WNT7B: variants seen among roughly 807,000 people sequenced by gnomAD.
WNT7B encodes the protein protein Wnt-7b.
In WNT7B, 19 loss-of-function variants were observed where a neutral mutation model predicts 38.2. The observed-to-expected ratio is 0.50, with a 90% CI of 0.35 to 0.73. The LOEUF is 0.73. Ranked by LOEUF, WNT7B falls within the 30% of genes least tolerant of loss-of-function variation. WNT7B has a pLI of 0.01. For missense variants in WNT7B, 423 were observed against 507.9 expected (o/e 0.83, Z 1.61); for synonymous variants, 243 against 209.3 (o/e 1.16, Z -1.39).
intron 3 of WNT7B, chr22:45,927,499 T>C (rs1931125056): frequency 6.5e-7 from 1 of 1,548,772 alleles, no homozygotes; most frequent in Admixed American, 2.0e-5. Context: ...AGTGACTTTA[T>C]TTGGAAGTAG....
chr22:45,934,580 G>A (rs1213008656), intron 2 of WNT7B, among the ~76,000 whole-genome samples: 3 of 152,226 alleles, frequency 2.0e-5, no homozygotes, highest in South Asian at 4.1e-4. Context: ...TAGGAAGGCT[G>A]CAGAGCGGGT....
intron 1 of WNT7B, among the ~76,000 whole-genome samples, chr22:45,960,458 T>TGAGCC: frequency 9.4e-6 from 1 of 106,462 alleles, no homozygotes; most frequent in East Asian, 4.3e-4. Flanking sequence ...ACCTTGGTCA[T>TGAGCC]GAGCCACCCC....
intron 2 of WNT7B, among the ~76,000 whole-genome samples, chr22:45,934,190 A>G (rs1601721389): frequency 6.6e-6 from 1 of 152,224 alleles, no homozygotes; most frequent in East Asian, 1.9e-4. Flanking sequence ...ATGAATTCAA[A>G]GACCAGGAAG....
intron 1 of WNT7B, among the ~76,000 whole-genome samples, chr22:45,955,309 C>T (rs753255512): frequency 3.3e-5 from 5 of 152,206 alleles, no homozygotes; most frequent in Non-Finnish European, 5.9e-5. Context: ...GGGATGGGCC[C>T]TCCTTAGAGA....
At chr22:45,929,287 T>A (rs112643652) in intron 3 of WNT7B, among the ~76,000 whole-genome samples, 1 of 152,170 alleles carries the variant, frequency 6.6e-6, no homozygotes, top group South Asian at 2.1e-4. Context: ...TGCCTGTACC[T>A]GGAGACTAGT....
Position 45,931,268 on chromosome 22 carries a change from C to A in WNT7B, c.400G>T (p.Asp134Tyr). ...SQGNLSNCGC[D>Y]REKQGYYNQA... ...TTGTAGTAGCCCTGCTTCTCGCGGT[C>A]GCAGCCGCAGTTGCTCAGGTTCCCT... is the stretch of plus-strand genomic sequence containing the variant. The change falls in exon 3 of 4, where the codon GAC becomes TAC. Residue 134 changes from aspartate (D) to tyrosine (Y), a missense_variant. By Grantham distance (160) the Asp-to-Tyr change is radical. Around this residue, in one of 3 missense-constraint regions of WNT7B, gnomAD observed 132 missense variants for 113.4 expected, o/e 1.16. Coordinates refer to ENST00000339464, the MANE Select transcript of WNT7B (RefSeq NM_058238.3). 6.3e-7 allele frequency: 1 copy of A among 1,598,748 alleles called. No homozygotes were observed. The highest frequency in any genetic ancestry group is 2.2e-5 in the East Asian group (1 of 44,872).
At chr22:45,932,871 G>A (rs147105436) in intron 2 of WNT7B, among the ~76,000 whole-genome samples, 26 of 150,776 alleles carry the variant, frequency 1.7e-4, no homozygotes, top group Admixed American at 7.2e-4. Context: ...CAGCACCCGC[G>A]AGCACCTGCA....
intron 2 of WNT7B, among the ~76,000 whole-genome samples, chr22:45,939,427 T>C (rs1425583027): frequency 6.6e-6 from 1 of 152,236 alleles, no homozygotes; most frequent in African/African-American, 2.4e-5. Context: ...AAATGTGTTC[T>C]ATCCATACGG....
At position 45,921,504 on chromosome 22, in the gene WNT7B, A is replaced by G. The variant is rs1424468822; in HGVS notation, c.*1352T>C. 1.3e-5 allele frequency: 2 copies of G among 152,232 alleles called. No homozygotes were observed. The highest frequency in any genetic ancestry group is 6.5e-5 in the Admixed American group (1 of 15,284). The allele number at this position is 152,232 out of a possible 1,614,324, so 9.4% of individuals were successfully genotyped here. On this transcript the variant is annotated 3_prime_UTR_variant, in exon 4 of 4. Coordinates refer to ENST00000339464, the MANE Select transcript of WNT7B (RefSeq NM_058238.3). ...AGGAGAAAGGTGGAAGCCTCCAGTC[A>G]CAGCTGCAGGGTCTCTGGTAGGTCC...
intron 3 of WNT7B, among the ~76,000 whole-genome samples, chr22:45,930,641 TCCTC>T (rs1296200979): frequency 6.6e-6 from 1 of 152,148 alleles, no homozygotes; most frequent in Non-Finnish European, 1.5e-5. Context: ...GCTTCCACCT[TCCTC>T]AGGCTGCTCC....
Position 45,949,956 on chromosome 22 carries a change from C to T in WNT7B, c.262G>A (p.Gly88Ser), listed in dbSNP as rs772868205. ...TCTTGCCCGAAGACGGTCTTCTCGCCGAGGGCAGAGCAGTTCCAGCGTCCG... is the reference window on the plus strand; with the variant it reads ...TCTTGCCCGAAGACGGTCTTCTCGCTGAGGGCAGAGCAGTTCCAGCGTCCG... ...RFGRWNCSAL[G>S]EKTVFGQELR... Residue 88 changes from glycine (G) to serine (S), a missense_variant, in exon 2 of 4, where the codon GGC becomes AGC. Physicochemically the swap from Gly to Ser is moderately conservative, Grantham distance 56. Around this residue, in one of 3 missense-constraint regions of WNT7B, gnomAD observed 133 missense variants for 179.8 expected, o/e 0.74. Coordinates refer to ENST00000339464, the MANE Select transcript of WNT7B (RefSeq NM_058238.3). 6.8e-6 allele frequency: 11 copies of T among 1,612,090 alleles called. No homozygotes were observed. The highest frequency in any genetic ancestry group is 3.3e-5 in the South Asian group (3 of 91,070).
At chr22:45,972,267 C>G (rs1334705318) in intron 1 of WNT7B, 3 of 615,130 alleles carry the variant, frequency 4.9e-6, no homozygotes, top group African/African-American at 3.9e-5. Flanking sequence ...CGGGGCTGAA[C>G]AGGCTCCGCG....
In WNT7B at chr22:45,955,691, G is replaced by A. The variant is rs572732252; in HGVS notation, c.72-5545C>T. 8.5e-4 allele frequency among the ~76,000 whole-genome samples: 130 copies of A among 152,300 alleles called. 1 individual carries two copies. Among genetic ancestry groups the A allele is most frequent in the Non-Finnish European group, 4.9e-4 (33 of 68,024 alleles). ...CACTGAATGGGGCCTCGGGACAGGC[G>A]AGATGCCAGGTGGGATGGGCAGGTT... On this transcript the variant is annotated intron_variant, in intron 1 of 3. Transcript: ENST00000339464.
intron 2 of WNT7B, among the ~76,000 whole-genome samples, chr22:45,942,783 A>G (rs1227098916): frequency 1.3e-5 from 2 of 152,182 alleles, no homozygotes; most frequent in African/African-American, 4.8e-5. Context: ...GCTTTTATTA[A>G]TATTACCCGT....
chr22:45,948,841 T>TC (rs1390070981), intron 2 of WNT7B, among the ~76,000 whole-genome samples: 1 of 130,680 alleles, frequency 7.7e-6, no homozygotes, highest in Non-Finnish European at 1.5e-5. Context: ...TTTTTTTTTT[T>TC]TTTTTTTTTT....
intron 1 of WNT7B, among the ~76,000 whole-genome samples, chr22:45,970,949 T>C (rs548158954): frequency 6.6e-6 from 1 of 152,250 alleles, no homozygotes; most frequent in South Asian, 2.1e-4. Context: ...GCCCGGACCT[T>C]GTAATTATGT....
intron 1 of WNT7B, among the ~76,000 whole-genome samples, chr22:45,967,254 G>A (rs992739965): frequency 1.3e-5 from 2 of 152,180 alleles, no homozygotes; most frequent in African/African-American, 2.4e-5. Context: ...GCCCTGGGCC[G>A]GGGTTTCATC....
intron 2 of WNT7B, among the ~76,000 whole-genome samples, chr22:45,933,675 G>A (rs1001308167): frequency 1.3e-5 from 2 of 152,182 alleles, no homozygotes; most frequent in African/African-American, 4.8e-5. Flanking sequence ...GTGGAGTGGA[G>A]TCAAGGAAGG....
At chr22:45,970,903 GC>G (rs1305637804) in intron 1 of WNT7B, among the ~76,000 whole-genome samples, 4 of 152,388 alleles carry the variant, frequency 2.6e-5, no homozygotes, top group African/African-American at 9.6e-5. Flanking sequence ...TGCCTCCGCA[GC>G]CGGGGCTGCC....
Sources: allele counts gnomAD v4.1 joint callset (sites outside exome capture counted in the v4.1 genomes callset), GRCh38; gene constraint gnomAD v4.1.1; regional missense constraint gnomAD v4.1.1; transcripts MANE v1.5; gene names NCBI Gene and HGNC (gene_info 2026-07-23, HGNC 2026-07-21).